YBX3: variants seen among roughly 807,000 people sequenced by gnomAD.
YBX3 encodes the protein Y-box binding protein 3.
A neutral mutation model predicts 42.4 loss-of-function variants in YBX3; 29 were observed. The ratio of observed to expected loss-of-function variants is 0.68; its 90% CI spans 0.51 to 0.93. The LOEUF (loss-of-function observed/expected upper bound fraction) is 0.93. Ranked by LOEUF, YBX3 falls within the 40% of genes least tolerant of loss-of-function variation. The pLI is 0.00. For missense variants in YBX3, 517 were observed against 527.5 expected, an observed-to-expected ratio of 0.98 and a Z score of 0.19; for synonymous variants, 195 against 189.8, an observed-to-expected ratio of 1.03 and a Z score of -0.22.
At chr12:10,719,247 A>G (rs1948298504) in intron 1 of YBX3, 104 bp from the exon 2 acceptor site, 2 of 936,156 alleles carry the variant, frequency 2.1e-6, no homozygotes, top group Non-Finnish European at 3.2e-6. Context: ...ACATACCTAA[A>G]GAAACCATTA....
At chr12:10,710,549 G>C (rs2120939250) in intron 5 of YBX3, 1 of 1,186,802 alleles carries the variant, frequency 8.4e-7, no homozygotes, top group South Asian at 1.6e-5. Context: ...TGACCCAAGT[G>C]GTATTCTTCC....
chr12:10,716,463 T>C (rs11612209), intron 3 of YBX3, among the ~76,000 whole-genome samples: 5,292 of 152,274 alleles, frequency 0.035, 174 homozygotes, highest in Admixed American at 0.094. Flanking sequence ...CTACATTCCC[T>C]GATAATACAT....
intron 6 of YBX3, among the ~76,000 whole-genome samples, chr12:10,707,759 C>T (rs1948154037): frequency 6.6e-6 from 1 of 152,122 alleles, no homozygotes; most frequent in South Asian, 2.1e-4. Flanking sequence ...CACCTCATAC[C>T]CTCTCCCCCT....
intron 5 of YBX3, 70 bp downstream of exon 5, chr12:10,713,141 C>T: frequency 1.3e-6 from 2 of 1,495,068 alleles, no homozygotes; most frequent in East Asian, 2.4e-5. Flanking sequence ...TTATCTGCTC[C>T]AAGTACATAC....
chr12:10,716,086 A>G, intron 3 of YBX3: 2 of 289,856 alleles, frequency 6.9e-6, no homozygotes, highest in Non-Finnish European at 1.3e-5. Flanking sequence ...TCACCTGATC[A>G]TATCAGATGT....
At chr12:10,708,600 A>G (rs1948163897) in intron 6 of YBX3, among the ~76,000 whole-genome samples, 1 of 152,192 alleles carries the variant, frequency 6.6e-6, no homozygotes, top group Non-Finnish European at 1.5e-5. Flanking sequence ...GGATCAAGAC[A>G]ACTTTTACTT....
chr12:10,707,558 GA>G (rs1948152048), intron 6 of YBX3, among the ~76,000 whole-genome samples: 1 of 152,104 alleles, frequency 6.6e-6, no homozygotes, highest in Non-Finnish European at 1.5e-5. Flanking sequence ...TTTCTCTACT[GA>G]AAAGATTATA....
chr12:10,718,175 T>C, intron 2 of YBX3, 54 bp from the exon 3 acceptor site: 2 of 1,531,840 alleles, frequency 1.3e-6, no homozygotes, highest in East Asian at 2.3e-5. Flanking sequence ...TGGAAAAACT[T>C]AAAAGAACCT....
At chr12:10,717,558 C>CA (rs2120977046) in intron 3 of YBX3, among the ~76,000 whole-genome samples, 1 of 152,294 alleles carries the variant, frequency 6.6e-6, no homozygotes, top group East Asian at 1.9e-4. Context: ...AGGGAATTTG[C>CA]AGCTTTTGAC....
intron 5 of YBX3, 111 bp from the exon 6 acceptor site, chr12:10,710,225 T>G: frequency 1.3e-6 from 2 of 1,533,650 alleles, no homozygotes; most frequent in Admixed American, 3.9e-5. Context: ...AGCAATATAA[T>G]CCTTTCCATT....
At chr12:10,710,571 A>T in intron 5 of YBX3, 1 of 1,234,024 alleles carries the variant, frequency 8.1e-7, no homozygotes, top group South Asian at 1.4e-5. Context: ...ACAAGTCTGT[A>T]AAGTGTGGAT....
chr12:10,713,007 C>T (rs1948216709), intron 5 of YBX3: 2 of 627,730 alleles, frequency 3.2e-6, no homozygotes, highest in African/African-American at 3.7e-5. Context: ...TAACTAATCA[C>T]CACCGGTTTC....
intron 5 of YBX3, chr12:10,711,687 A>C (rs1948202242): frequency 6.6e-6 from 1 of 152,222 alleles, no homozygotes; most frequent in Non-Finnish European, 1.5e-5. Flanking sequence ...AGTTGTTGGG[A>C]CTTAGATATT....
At position 10,701,995 on chromosome 12, in the gene YBX3, G is replaced by A. The variant is rs773872413; in HGVS notation, c.1018C>T (p.Arg340Cys). The A allele has an allele frequency of 6.2e-6, 10 of 1,613,742 alleles. No homozygotes were observed. Among genetic ancestry groups the A allele is most frequent in the South Asian group, 3.3e-5 (3 of 91,046 alleles). ...TCTTGTGAAGGAGCGTTAGGAGGAC[G>A]CGGGCGACGCCGGTAATTGTAGGGA... The part of the protein sequence containing the change: ...RRPYNYRRRP[R>C]PPNAPSQDGK... Residue 340 changes from arginine to cysteine, a missense_variant, in exon 8 of 10, where the codon CGT becomes TGT. This residue lies in a region of YBX3 where 420 missense variants were observed against 408.5 expected (regional missense o/e 1.03). Coordinates refer to ENST00000228251, the MANE Select transcript of YBX3 (RefSeq NM_003651.5).
chr12:10,705,471 A>T (rs978725398), intron 6 of YBX3, among the ~76,000 whole-genome samples: 2 of 152,178 alleles, frequency 1.3e-5, no homozygotes, highest in Non-Finnish European at 2.9e-5. Flanking sequence ...ATTGGTGTTC[A>T]CTAATGATTA....
At position 10,723,237 on chromosome 12, in the gene YBX3, G is replaced by C. The variant is rs1050935318; in HGVS notation, c.-126C>G. Reference sequence around the variant, plus strand: ...CCGGGGCGGATCTCGCGGCGCAGGCGGCGGCGGCCGAGGTGGGGTCGCGCG... The same window carrying C: ...CCGGGGCGGATCTCGCGGCGCAGGCCGCGGCGGCCGAGGTGGGGTCGCGCG... On this transcript the variant is annotated 5_prime_UTR_variant, in exon 1 of 10. Transcript: ENST00000228251. 1.7e-6 allele frequency: 2 copies of C among 1,167,644 alleles called. No homozygotes were observed. The highest frequency in any genetic ancestry group is 4.6e-5 in the Admixed American group (1 of 21,544). 72.3% of individuals were successfully genotyped at this position (1,167,644 alleles called of 1,614,324 possible).
intron 6 of YBX3, among the ~76,000 whole-genome samples, chr12:10,704,887 C>T (rs909085212): frequency 6.6e-6 from 1 of 152,170 alleles, no homozygotes; most frequent in African/African-American, 2.4e-5. Flanking sequence ...CTATCATTTC[C>T]ATCCAAGCAT....
chr12:10,713,052 A>T lies in YBX3; in HGVS notation c.573+159T>A, dbSNP rs1484538581. On this transcript the variant is annotated intron_variant, in intron 5 of 9. Transcript: ENST00000228251. ...TATGGAAATCAATAATACACATTTT[A>T]AAAAATAAGATAAAAATTTCCTCTA... The T allele has an allele frequency of 3.9e-6, 4 of 1,031,000 alleles. No individual in the cohort carries two copies. In the African/African-American group the frequency reaches 4.9e-5, roughly 13 times the overall value. The allele number at this position is 1,031,000 out of a possible 1,614,324, so 63.9% of individuals were successfully genotyped here. A position where few individuals can be genotyped will look rare whatever the true frequency, so the allele number is the denominator to read the frequency against.
At chr12:10,716,837 C>G (rs988990393) in intron 3 of YBX3, among the ~76,000 whole-genome samples, 1 of 152,108 alleles carries the variant, frequency 6.6e-6, no homozygotes, top group Non-Finnish European at 1.5e-5. Flanking sequence ...CCCTCCCTGC[C>G]GGCTCGCTCC....
Sources: gnomAD v4.1 joint callset for allele counts (sites outside exome capture counted in the v4.1 genomes callset) on GRCh38, gnomAD v4.1.1 for gene constraint, gnomAD v4.1.1 regional missense constraint, MANE v1.5 for transcripts, NCBI Gene and HGNC (gene_info 2026-07-23, HGNC 2026-07-21) for gene names.